The following DISP2 variants were observed in gnomAD, a reference collection of about 807,000 sequenced individuals.
DISP2 encodes protein dispatched homolog 2.
A neutral mutation model predicts 95.5 loss-of-function variants in DISP2; 59 were observed. The observed-to-expected ratio is 0.62, with a 90% CI of 0.50 to 0.77. The LOEUF is 0.77. Among genes scored for constraint, DISP2 ranks in the 30% least tolerant of loss-of-function variants. The pLI is 0.00. For missense variants in DISP2, 1,752 were observed against 1,854.6 expected (o/e 0.94, Z 1.02); for synonymous variants, 827 against 815.0 (o/e 1.01, Z -0.25).
rs562416138 is a variant in DISP2 at position 40,371,918 on chromosome 15, A to G, written c.*1600A>G. ...ACGGCACCATATGCCTGCCATCATC[A>G]TTATTGTTGGAGCTCAAGTACCCAG... On this transcript the variant is annotated 3_prime_UTR_variant, in exon 8 of 8. Coordinates refer to ENST00000267889, the MANE Select transcript of DISP2 (RefSeq NM_033510.3). 1.3e-5 allele frequency: 2 copies of G among 152,214 alleles called. No individual in the cohort carries two copies. Among genetic ancestry groups the G allele is most frequent in the Admixed American group, 6.5e-5 (1 of 15,290 alleles). 9.4% of individuals were successfully genotyped at this position (152,214 alleles called of 1,614,324 possible).
rs745509399 is a variant in DISP2, at chr15:40,367,836, C to CG, written c.1731dup (p.Leu578AlafsTer214). ...CGCCTTAGCAAGAGCCAGCTGCCGT[C>CG]GGGGGGGCTGGCGCAGCGCGTGGGC... On this transcript the variant is annotated frameshift_variant, in exon 8 of 8. Transcript: ENST00000267889. LOFTEE classifies it high-confidence loss of function. 53 of 1,601,332 alleles carry CG rather than the reference C, an allele frequency of 3.3e-5. No homozygotes were observed. The highest frequency in any genetic ancestry group is 3.3e-5 in the South Asian group (3 of 91,044).
chr15:40,365,228 GC>G lies in DISP2; in HGVS notation c.805del (p.Leu269TrpfsTer153). On this transcript the variant is annotated frameshift_variant, in exon 6 of 8. Transcript: ENST00000267889. LOFTEE classifies it high-confidence loss of function. ...CTGTCCGGCCTCGGAGAATGGTGGA[GC>G]CCCTGGAGGACAGAAGGCAAGAGAA... ...SAVRPRRMVE[P>X]LEDRRQENFF... 1 of 1,614,124 alleles carries G rather than the reference GC, an allele frequency of 6.2e-7. No individual in the cohort carries two copies. Among genetic ancestry groups the G allele is most frequent in the Non-Finnish European group, 8.5e-7 (1 of 1,180,040 alleles).
chr15:40,370,139 G>C lies in DISP2; in HGVS notation c.4027G>C (p.Ala1343Pro), dbSNP rs149618388. The C allele has an allele frequency of 2.8e-5, 45 of 1,609,086 alleles. No individual in the cohort carries two copies. The African/African-American group carries it at 5.3e-4, about 19-fold the overall frequency. The stretch of plus-strand genomic sequence containing the variant: ...TGGGAAGCGGGACACCCTGTGGCTG[G>C]CGCTGAGGGAGACAGTGTATGACCC... ...LNGKRDTLWLALRETVYDPSL... is the reference protein window; with the variant it reads ...LNGKRDTLWLPLRETVYDPSL... Residue 1343 changes from alanine (A) to proline (P), a missense_variant, in exon 8 of 8, where the codon GCG (alanine) becomes CCG (proline). By Grantham distance (27) the Ala-to-Pro change is conservative (BLOSUM62 -1). Transcript: ENST00000267889.
In DISP2 at chr15:40,377,367, A is replaced by T. The variant is rs1301886495; in HGVS notation, c.*7049A>T. On this transcript the variant is annotated 3_prime_UTR_variant, in exon 8 of 8. Transcript: ENST00000267889. ...AAGTACAGATACAACTTCCCTTTCC[A>T]GCCAAGATGGAGGAGCAGGGGCCAA... 1 of 152,260 alleles carries T rather than the reference A, an allele frequency of 6.6e-6. No homozygotes were observed. The highest frequency in any genetic ancestry group is 1.5e-5 in the Non-Finnish European group (1 of 68,030). The allele number at this position is 152,260 out of a possible 1,614,324, so 9.4% of individuals were successfully genotyped here. A position where few individuals can be genotyped will look rare whatever the true frequency, so the allele number is the denominator to read the frequency against.
rs757072323 is a variant in DISP2, at chr15:40,365,279, G to A, written c.847+5G>A. On this transcript the variant is annotated splice_donor_5th_base_variant and intron_variant, in intron 6 of 7. Coordinates refer to ENST00000267889, the MANE Select transcript of DISP2 (RefSeq NM_033510.3). ...ACTTCTTCTGTGGCCCCCCTGGTAA[G>A]CTGCAGCCTGGCCAGTTCCTGGTTT... is the stretch of plus-strand genomic sequence containing the variant. The A allele has an allele frequency of 6.2e-7, 1 of 1,613,422 alleles. No homozygotes were observed. The highest frequency in any genetic ancestry group is 2.2e-5 in the East Asian group (1 of 44,882).
chr15:40,370,317 G>A lies in DISP2; in HGVS notation c.4205G>A (p.Ter1402=), dbSNP rs377252871. Residue 1402 remains the stop codon, a stop_retained_variant, in exon 8 of 8, where the codon TGA becomes TAA. Transcript: ENST00000267889. ...PSTHTSGYSS[*] The stretch of plus-strand genomic sequence containing the variant: ...ACTCACACGTCAGGCTATAGCAGCT[G>A]AGGGGGACCCGGGGAGGCTGGACAG... The A allele has an allele frequency of 2.6e-6, 4 of 1,524,924 alleles. No homozygotes were observed. In the African/African-American group the frequency reaches 4.2e-5, roughly 16 times the overall value. 94.5% of individuals were successfully genotyped at this position (1,524,924 alleles called of 1,614,324 possible).
Position 40,370,656 on chromosome 15 carries a change from C to T in DISP2, c.*338C>T. 1 of 530,772 alleles carries T rather than the reference C, an allele frequency of 1.9e-6. No individual in the cohort carries two copies. The highest frequency in any genetic ancestry group is 3.6e-6 in the Non-Finnish European group (1 of 276,604). The allele number at this position is 530,772 out of a possible 1,614,324, so 32.9% of individuals were successfully genotyped here. A position where few individuals can be genotyped will look rare whatever the true frequency, so the allele number is the denominator to read the frequency against. On this transcript the variant is annotated 3_prime_UTR_variant, in exon 8 of 8. Coordinates refer to ENST00000267889, the MANE Select transcript of DISP2 (RefSeq NM_033510.3). ...GTATCAGAGGAGGCTGACCTGGCCC[C>T]CATCCCAAGTTACAAGAACTTCAGT... is the stretch of plus-strand genomic sequence containing the variant.
In DISP2 at chr15:40,378,235, A is replaced by G. The variant is rs893988316; in HGVS notation, c.*7917A>G. Reference sequence around the variant, plus strand: ...AAAAGAATTATTATAACTGTATTCCATATGTACTAAGTAGAGACTAGGAAG... The same window carrying G: ...AAAAGAATTATTATAACTGTATTCCGTATGTACTAAGTAGAGACTAGGAAG... On this transcript the variant is annotated 3_prime_UTR_variant, in exon 8 of 8. Coordinates refer to ENST00000267889, the MANE Select transcript of DISP2 (RefSeq NM_033510.3). The G allele has an allele frequency of 6.6e-6, 1 of 152,250 alleles. No homozygotes were observed. Among genetic ancestry groups the G allele is most frequent in the Non-Finnish European group, 1.5e-5 (1 of 68,050 alleles). 9.4% of individuals were successfully genotyped at this position (152,250 alleles called of 1,614,324 possible).
intron 7 of DISP2, 115 bp from the exon 8 acceptor site, chr15:40,366,943 C>T: frequency 1.5e-6 from 2 of 1,364,068 alleles, no homozygotes; most frequent in Non-Finnish European, 2.0e-6. Flanking sequence ...TGTCAAGATC[C>T]CTCTCTGCGC....
intron 1 of DISP2, among the ~76,000 whole-genome samples, 153 bp from the exon 2 acceptor site, chr15:40,363,472 G>C (rs1302227088): frequency 6.6e-6 from 1 of 152,160 alleles, no homozygotes; most frequent in Admixed American, 6.5e-5. Flanking sequence ...TCGAGCCCCT[G>C]GCCTCCTCAC....
rs1048539115 is a variant in DISP2, at chr15:40,374,940, A to C, written c.*4622A>C. On this transcript the variant is annotated 3_prime_UTR_variant, in exon 8 of 8. Transcript: ENST00000267889. ...TTTTCTTTGACGGTGGCAGTATCTCATTTTTTGATAATACACATGGGTAAT... is the reference window on the plus strand; with the variant it reads ...TTTTCTTTGACGGTGGCAGTATCTCCTTTTTTGATAATACACATGGGTAAT... 1.3e-5 allele frequency: 2 copies of C among 151,992 alleles called. No homozygotes were observed. Among genetic ancestry groups the C allele is most frequent in the Non-Finnish European group, 2.9e-5 (2 of 68,022 alleles). The allele number at this position is 151,992 out of a possible 1,614,324, so 9.4% of individuals were successfully genotyped here.
In DISP2 at chr15:40,358,268, C is replaced by T; in HGVS notation, c.-54C>T. 1 of 1,196,124 alleles carries T rather than the reference C, an allele frequency of 8.4e-7. No individual in the cohort carries two copies. The highest frequency in any genetic ancestry group is 1.0e-6 in the Non-Finnish European group (1 of 967,126). The allele number at this position is 1,196,124 out of a possible 1,614,324, so 74.1% of individuals were successfully genotyped here. ...CTGCCGCCGCCACCGCCGCCGCCGC[C>T]GCCGCCGCCGCGGCTTCAGCACCAG... On this transcript the variant is annotated 5_prime_UTR_variant, in exon 1 of 8. Transcript: ENST00000267889.
In DISP2 at chr15:40,365,229, C is replaced by T. The variant is rs1174183435; in HGVS notation, c.802C>T (p.Pro268Ser). ...TGTCCGGCCTCGGAGAATGGTGGAGCCCCTGGAGGACAGAAGGCAAGAGAA... is the reference window on the plus strand; with the variant it reads ...TGTCCGGCCTCGGAGAATGGTGGAGTCCCTGGAGGACAGAAGGCAAGAGAA... ...SAVRPRRMVEPLEDRRQENFF... is the reference protein window; with the variant it reads ...SAVRPRRMVESLEDRRQENFF... The change falls in exon 6 of 8, where the codon CCC becomes TCC. Residue 268 changes from proline to serine, a missense_variant. Around this residue, in one of 5 missense-constraint regions of DISP2, gnomAD observed 342 missense variants for 364.3 expected, o/e 0.94. Coordinates refer to ENST00000267889, the MANE Select transcript of DISP2 (RefSeq NM_033510.3). The T allele has an allele frequency of 1.2e-6, 2 of 1,613,990 alleles. No homozygotes were observed. The highest frequency in any genetic ancestry group is 1.3e-5 in the African/African-American group (1 of 74,946).
At chr15:40,358,600 C>G (rs1222524371) in intron 1 of DISP2, among the ~76,000 whole-genome samples, 160 bp downstream of exon 1, 1 of 152,064 alleles carries the variant, frequency 6.6e-6, no homozygotes, top group African/African-American at 2.4e-5. Context: ...TCGCCACGCC[C>G]TCATCCTGCC....
At position 40,367,047 on chromosome 15, in the gene DISP2, G is replaced by A. The variant is rs747594647; in HGVS notation, c.946-11G>A. On this transcript the variant is annotated splice_polypyrimidine_tract_variant and intron_variant, in intron 7 of 7. Transcript: ENST00000267889. ...GCCCCTGAACTCTCCCCTCCTGCGT[G>A]TGCCCTACAGATCCGCTCCCATACC... is the stretch of plus-strand genomic sequence containing the variant. 3.1e-6 allele frequency: 5 copies of A among 1,605,900 alleles called. No individual in the cohort carries two copies. In the South Asian group the frequency reaches 5.5e-5, roughly 18 times the overall value.
chr15:40,370,871 CCT>C lies in DISP2; in HGVS notation c.*555_*556del, dbSNP rs1033077205. The C allele has an allele frequency of 3.4e-6, 1 of 293,544 alleles. No homozygotes were observed. Among genetic ancestry groups the C allele is most frequent in the African/African-American group, 2.2e-5 (1 of 45,964 alleles). 18.2% of individuals were successfully genotyped at this position (293,544 alleles called of 1,614,324 possible). On this transcript the variant is annotated 3_prime_UTR_variant, in exon 8 of 8. Transcript: ENST00000267889. The stretch of plus-strand genomic sequence containing the variant: ...CCTCTCTCCCCAACTGCCCTGCTCT[CCT>C]CATACTCACCGGTTTGACCAGAAAT...
intron 1 of DISP2, among the ~76,000 whole-genome samples, chr15:40,362,509 C>T (rs1175740587): frequency 2.0e-5 from 3 of 152,130 alleles, no homozygotes; most frequent in East Asian, 1.9e-4. Context: ...AAGGCACTGG[C>T]GATATGGAGA....
In DISP2 at chr15:40,371,321, C is replaced by T. The variant is rs1034214827; in HGVS notation, c.*1003C>T. On this transcript the variant is annotated 3_prime_UTR_variant, in exon 8 of 8. Coordinates refer to ENST00000267889, the MANE Select transcript of DISP2 (RefSeq NM_033510.3). ...TGGTGTCTCTGACTGAATCCAGCCA[C>T]CCTCTTTGGGCCTCCACTTCCTGAG... The T allele has an allele frequency of 6.6e-6, 1 of 152,262 alleles. No homozygotes were observed. The highest frequency in any genetic ancestry group is 1.5e-5 in the Non-Finnish European group (1 of 68,080). The allele number at this position is 152,262 out of a possible 1,614,324, so 9.4% of individuals were successfully genotyped here.
In DISP2 at chr15:40,369,018, G is replaced by A; in HGVS notation, c.2906G>A (p.Gly969Asp). ...SLSTEPAVVL[G>D]LALALAFATL... ...AGCACTGAGCCTGCTGTGGTGCTGG[G>A]CCTGGCTTTGGCGCTGGCCTTTGCC... The change falls in exon 8 of 8, where the codon GGC becomes GAC. Residue 969 changes from glycine (G) to aspartate (D), a missense_variant. Around this residue, in one of 5 missense-constraint regions of DISP2, gnomAD observed 317 missense variants for 394.9 expected, o/e 0.80. Coordinates refer to ENST00000267889, the MANE Select transcript of DISP2 (RefSeq NM_033510.3). 6.2e-7 allele frequency: 1 copy of A among 1,613,994 alleles called. No individual in the cohort carries two copies.
Sources: gnomAD v4.1 joint callset for allele counts (sites outside exome capture counted in the v4.1 genomes callset) on GRCh38, gnomAD v4.1.1 for gene constraint, gnomAD v4.1.1 regional missense constraint, MANE v1.5 for transcripts, NCBI Gene and HGNC (gene_info 2026-07-23, HGNC 2026-07-21) for gene names.